CA6: variants seen among roughly 807,000 people sequenced by gnomAD.
CA6 encodes carbonic anhydrase 6.
Under a neutral mutation model 35.9 loss-of-function variants are expected in CA6, and 28 were observed. The observed-to-expected ratio is 0.78, with a 90% confidence interval of 0.58 to 1.07. The LOEUF (loss-of-function observed/expected upper bound fraction) is 1.07. Among genes scored for constraint, CA6 ranks in the 50% least tolerant of loss-of-function variants. CA6 has a pLI of 0.00. For synonymous variants in CA6, 148 were observed against 152.6 expected, an observed-to-expected ratio of 0.97 and a Z score of 0.22; for missense variants, 377 against 382.0, an observed-to-expected ratio of 0.99 and a Z score of 0.11.
At chr1:8,956,989 C>T in intron 2 of CA6, 148 bp from the exon 3 acceptor site, 1 of 632,002 alleles carries the variant, frequency 1.6e-6, no homozygotes, top group South Asian at 2.8e-5. Context: ...CCTTTGGTGA[C>T]CCTGCCCATG....
Position 8,974,623 on chromosome 1 carries a change from A to G in CA6, c.846A>G (p.Glu282=). 1 of 1,599,916 alleles carries G rather than the reference A, an allele frequency of 6.3e-7. No individual in the cohort carries two copies. Among genetic ancestry groups the G allele is most frequent in the Non-Finnish European group, 8.6e-7 (1 of 1,169,132 alleles). Residue 282 remains glutamate, a splice_region_variant and synonymous_variant, in exon 8 of 8, where the codon GAA becomes GAG. Coordinates refer to ENST00000377443, the MANE Select transcript of CA6 (RefSeq NM_001215.4). The stretch of plus-strand genomic sequence containing the variant: ...TCCGACTAACTCTTCTTTTTACAGA[A>G]TACACTCTAGGCTCTGAATTCCAGT... The part of the protein sequence containing the change: ...RVVESNFPNQ[E]YTLGSEFQFY...
intron 4 of CA6, 27 bp from the exon 5 acceptor site, chr1:8,962,560 C>A: frequency 2.5e-6 from 4 of 1,591,284 alleles, no homozygotes; most frequent in South Asian, 1.1e-5. Context: ...TCTTCACTTA[C>A]GCTCAGTGCT....
Position 8,949,432 on chromosome 1 carries a change from T to C in CA6, c.249T>C (p.Asn83=), listed in dbSNP as rs772734074. The change falls in exon 2 of 8, where the codon AAT becomes AAC. Residue 83 remains asparagine (N), a synonymous_variant. Coordinates refer to ENST00000377443, the MANE Select transcript of CA6 (RefSeq NM_001215.4). ...TQAGEFPMVN[N]GHTVQISLPS... ...CAGGGGAGTTCCCCATGGTCAACAA[T>C]GGCCACACAGGTAAGAGGAAGGGGT... 1 of 1,612,062 alleles carries C rather than the reference T, an allele frequency of 6.2e-7. No individual in the cohort carries two copies. The highest frequency in any genetic ancestry group is 1.1e-5 in the South Asian group (1 of 90,862).
chr1:8,962,623 T>G lies in CA6; in HGVS notation c.538T>G (p.Phe180Val), dbSNP rs555491140. Residue 180 changes from phenylalanine to valine, a missense_variant, in exon 5 of 8, where the codon TTC becomes GTC. Phe to Val is a conservative substitution (Grantham distance 50). Transcript: ENST00000377443. ...NYPENTYYSN[F>V]ISHLANIKYP... The stretch of plus-strand genomic sequence containing the variant: ...CCCTGAAAACACTTATTACAGCAAC[T>G]TCATTTCTCATCTGGCCAACATCAA... 1 of 1,613,914 alleles carries G rather than the reference T, an allele frequency of 6.2e-7. No homozygotes were observed. The highest frequency in any genetic ancestry group is 1.7e-5 in the Admixed American group (1 of 60,020).
At chr1:8,974,412 C>T in intron 7 of CA6, 1 of 1,539,210 alleles carries the variant, frequency 6.5e-7, no homozygotes, top group Non-Finnish European at 8.7e-7. Context: ...CTCAACACGC[C>T]ACCCCTTGGC....
intron 1 of CA6, among the ~76,000 whole-genome samples, chr1:8,946,829 A>G (rs1639380140): frequency 7.8e-6 from 1 of 127,520 alleles, no homozygotes; most frequent in East Asian, 2.4e-4. Context: ...TTTGAGACAG[A>G]GTCTTGCTCT....
intron 2 of CA6, among the ~76,000 whole-genome samples, chr1:8,950,905 T>G: frequency 6.6e-6 from 1 of 152,058 alleles, no homozygotes; most frequent in Admixed American, 6.6e-5. Flanking sequence ...CTTAGTGTTC[T>G]TATCTTGCAC....
At position 8,969,625 on chromosome 1, in the gene CA6, G is replaced by GTC. The variant is rs138372720; in HGVS notation, c.730-1228_730-1227dup. 7.4e-3 allele frequency among the ~76,000 whole-genome samples: 1,113 copies of GTC among 151,098 alleles called. 9 individuals carry two copies. Among genetic ancestry groups the GTC allele is most frequent in the African/African-American group, 0.026 (1,081 of 41,348 alleles). Reference sequence around the variant, plus strand: ...AGAATGCCAATTAGTTTCTCTCTCTGTCTCTCTCTCTCTCTGGGTGTGTAG... The same window carrying GTC: ...AGAATGCCAATTAGTTTCTCTCTCTGTCTCTCTCTCTCTCTCTGGGTGTGTAG... On this transcript the variant is annotated intron_variant, in intron 6 of 7. Transcript: ENST00000377443.
At chr1:8,950,230 A>G (rs896383733) in intron 2 of CA6, among the ~76,000 whole-genome samples, 7 of 151,810 alleles carry the variant, frequency 4.6e-5, no homozygotes, top group African/African-American at 1.7e-4. Context: ...TTATCTGCCC[A>G]CCTTAGCCTC....
At chr1:8,946,078 C>A (rs1639356214) in intron 1 of CA6, 113 bp downstream of exon 1, 2 of 704,130 alleles carry the variant, frequency 2.8e-6, no homozygotes, top group Non-Finnish European at 4.8e-6. Flanking sequence ...TGCTCTGTTG[C>A]CCAGGCTTGA....
chr1:8,962,234 T>C (rs1438009296), intron 4 of CA6, among the ~76,000 whole-genome samples: 1 of 136,918 alleles, frequency 7.3e-6, no homozygotes, highest in East Asian at 2.0e-4. Context: ...AGAGCAAGAC[T>C]CTTAAAAAAA....
intron 2 of CA6, among the ~76,000 whole-genome samples, chr1:8,950,601 G>A (rs1639505687): frequency 6.6e-6 from 1 of 152,048 alleles, no homozygotes; most frequent in African/African-American, 2.4e-5. Context: ...AGGCATGGTG[G>A]CTCATGCCTG....
At chr1:8,974,565 GT>G in intron 7 of CA6, 56 bp from the exon 8 acceptor site, 1 of 1,451,954 alleles carries the variant, frequency 6.9e-7, no homozygotes, top group Admixed American at 1.9e-5. Context: ...CCCCTTCTCT[GT>G]TTTTGTGAGG....
Position 8,962,672 on chromosome 1 carries a change from T to C in CA6, c.571+16T>C, listed in dbSNP as rs1323108663. The C allele has an allele frequency of 6.2e-7, 1 of 1,607,238 alleles. No individual in the cohort carries two copies. Among genetic ancestry groups the C allele is most frequent in the East Asian group, 2.2e-5 (1 of 44,846 alleles). ...AAGTACCCAGGTAAGGGAAGCCAAC[T>C]GTGGCTGCAGGAGGGAAGGGGAATG... On this transcript the variant is annotated intron_variant, in intron 5 of 7. Transcript: ENST00000377443.
chr1:8,958,953 T>C lies in CA6; in HGVS notation c.452T>C (p.Ile151Thr). 2 of 1,613,184 alleles carry C rather than the reference T, an allele frequency of 1.2e-6. No homozygotes were observed. The highest frequency in any genetic ancestry group is 1.1e-5 in the South Asian group (1 of 90,962). Residue 151 changes from isoleucine (I) to threonine (T), a missense_variant, in exon 4 of 8, where the codon ATA (isoleucine) becomes ACA (threonine). By Grantham distance (89) the Ile-to-Thr change is moderately conservative (BLOSUM62 -1). Coordinates refer to ENST00000377443, the MANE Select transcript of CA6 (RefSeq NM_001215.4). ...HYNSKYKSYD[I>T]AQDAPDGLAV... The stretch of plus-strand genomic sequence containing the variant: ...AATTCTAAATACAAGAGCTATGATA[T>C]AGCCCAAGATGCGCCGGATGGTTTG...
At chr1:8,973,718 T>TTC (rs1370296054) in intron 7 of CA6, among the ~76,000 whole-genome samples, 1 of 9,640 alleles carries the variant, frequency 1.0e-4, no homozygotes, top group African/African-American at 5.4e-4. Context: ...CTCTCTTTCT[T>TTC]TCTTTCTTTC....
At chr1:8,957,415 A>G in intron 3 of CA6, 130 bp downstream of exon 3, 1 of 810,576 alleles carries the variant, frequency 1.2e-6, no homozygotes, top group Non-Finnish European at 1.9e-6. Flanking sequence ...ATCTCAGCTC[A>G]CTGCAACCTC....
intron 1 of CA6, among the ~76,000 whole-genome samples, chr1:8,948,906 G>T (rs991546448): frequency 2.0e-5 from 3 of 151,716 alleles, no homozygotes; most frequent in African/African-American, 7.3e-5. Flanking sequence ...GGAGGCAGAG[G>T]TTGCAGTGAG....
intron 7 of CA6, among the ~76,000 whole-genome samples, chr1:8,972,870 GA>G (rs1640145551): frequency 6.6e-6 from 1 of 151,984 alleles, no homozygotes; most frequent in Non-Finnish European, 1.5e-5. Context: ...ACTAACAGAA[GA>G]AAAAAACTGA....
Sources: allele counts gnomAD v4.1 joint callset (sites outside exome capture counted in the v4.1 genomes callset), GRCh38; gene constraint gnomAD v4.1.1; transcripts MANE v1.5; gene names NCBI Gene and HGNC (gene_info 2026-07-23, HGNC 2026-07-21).